The following TMEM41B variants were observed in gnomAD, a reference collection of about 807,000 sequenced individuals.
TMEM41B encodes the protein transmembrane protein 41B.
Under a neutral mutation model 31.9 loss-of-function variants are expected in TMEM41B, and 18 were observed. That is an observed-to-expected ratio of 0.56 (90% CI 0.39 to 0.84). TMEM41B has a LOEUF of 0.84. Among genes scored for constraint, TMEM41B ranks in the 40% least tolerant of loss-of-function variants. The pLI is 0.00. For missense variants in TMEM41B, 322 were observed against 348.0 expected, an observed-to-expected ratio of 0.93 and a Z score of 0.59; for synonymous variants, 144 against 124.3, an observed-to-expected ratio of 1.16 and a Z score of -1.05.
chr11:9,291,372 A>G (rs1852955197), intron 3 of TMEM41B, among the ~76,000 whole-genome samples: 1 of 150,758 alleles, frequency 6.6e-6, no homozygotes, highest in South Asian at 2.1e-4. Context: ...ACAGAGTGAG[A>G]CTCCCATCTC....
At chr11:9,304,159 C>T (rs1487059544) in intron 1 of TMEM41B, among the ~76,000 whole-genome samples, 1 of 152,114 alleles carries the variant, frequency 6.6e-6, no homozygotes, top group Non-Finnish European at 1.5e-5. Context: ...AACCCACAGA[C>T]GTATTGATAT....
chr11:9,305,386 G>C (rs972693570), intron 1 of TMEM41B, among the ~76,000 whole-genome samples: 3 of 152,186 alleles, frequency 2.0e-5, no homozygotes, highest in East Asian at 1.9e-4. Flanking sequence ...ATTGCCTGAG[G>C]TCAAGGGTTC....
intron 1 of TMEM41B, among the ~76,000 whole-genome samples, chr11:9,307,431 G>T (rs1278669439): frequency 6.7e-6 from 1 of 150,298 alleles, no homozygotes; most frequent in Non-Finnish European, 1.5e-5. Flanking sequence ...AACAGCTGAA[G>T]TATCATAAAA....
intron 4 of TMEM41B, chr11:9,288,139 AACACC>A (rs1852877619): frequency 5.0e-6 from 2 of 400,648 alleles, no homozygotes; most frequent in African/African-American, 4.2e-5. Context: ...TAAGCTTGAA[AACACC>A]ACCTCTGGCT....
chr11:9,303,734 C>G (rs1853314470), intron 1 of TMEM41B, among the ~76,000 whole-genome samples: 1 of 144,200 alleles, frequency 6.9e-6, no homozygotes, highest in African/African-American at 2.6e-5. Flanking sequence ...GTGACAGGAT[C>G]TCAGCTCACT....
At chr11:9,299,139 G>T (rs1853174981) in intron 2 of TMEM41B, among the ~76,000 whole-genome samples, 1 of 151,266 alleles carries the variant, frequency 6.6e-6, no homozygotes. Flanking sequence ...AAATTAGCTG[G>T]GTGTGGTGGC....
chr11:9,290,716 C>T (rs1231577659), intron 3 of TMEM41B, among the ~76,000 whole-genome samples: 4 of 152,036 alleles, frequency 2.6e-5, no homozygotes, highest in Admixed American at 6.5e-5. Flanking sequence ...TTTTTCCTTT[C>T]CCAAAATTTG....
At chr11:9,306,712 G>A (rs546492503) in intron 1 of TMEM41B, among the ~76,000 whole-genome samples, 55 of 152,114 alleles carry the variant, frequency 3.6e-4, no homozygotes, top group African/African-American at 1.1e-3. Context: ...CCAGAATCAC[G>A]CTCTTGGCCT....
chr11:9,311,665 G>T, intron 1 of TMEM41B: 1 of 830,404 alleles, frequency 1.2e-6, no homozygotes, highest in Non-Finnish European at 2.1e-6. Flanking sequence ...TTTGGCCCTG[G>T]CTGCCTGGCA....
intron 1 of TMEM41B, among the ~76,000 whole-genome samples, chr11:9,301,190 T>C (rs531389387): frequency 5.9e-5 from 9 of 151,946 alleles, no homozygotes; most frequent in African/African-American, 2.2e-4. Flanking sequence ...GGTCAGGAGA[T>C]TGAGACCATC....
intron 1 of TMEM41B, among the ~76,000 whole-genome samples, chr11:9,308,153 A>G (rs1482148998): frequency 6.6e-6 from 1 of 152,148 alleles, no homozygotes; most frequent in Non-Finnish European, 1.5e-5. Context: ...TCCAGACCAC[A>G]CTGGCCAACA....
chr11:9,299,454 C>G (rs1426850197), intron 2 of TMEM41B, 130 bp downstream of exon 2: 3 of 641,992 alleles, frequency 4.7e-6, no homozygotes, highest in Non-Finnish European at 8.2e-6. Context: ...CACTCCTGGA[C>G]TCAACCAATC....
chr11:9,287,837 G>A, intron 4 of TMEM41B, 31 bp from the exon 5 acceptor site: 1 of 1,510,614 alleles, frequency 6.6e-7, no homozygotes, highest in Non-Finnish European at 9.1e-7. Flanking sequence ...TAAGCGTTTT[G>A]TATTTTTCCG....
chr11:9,296,153 G>A lies in TMEM41B; in HGVS notation c.240-766C>T, dbSNP rs145701164. ...ATTACAGGAGTAAGCCACCATGCCC[G>A]GCTATAAATTATTTTTTAATGCTTT... On this transcript the variant is annotated intron_variant, in intron 2 of 6. Transcript: ENST00000528080. 3.0e-3 allele frequency among the ~76,000 whole-genome samples: 453 copies of A among 151,990 alleles called. 1 individual carries two copies. The highest frequency in any genetic ancestry group is 0.01 in the African/African-American group (435 of 41,486).
At chr11:9,302,290 G>A (rs1853283245) in intron 1 of TMEM41B, among the ~76,000 whole-genome samples, 1 of 100,242 alleles carries the variant, frequency 1.0e-5, no homozygotes, top group South Asian at 3.1e-4. Context: ...TTACAGGCGT[G>A]AGCCATAGCG....
At chr11:9,308,564 C>T (rs1368846321) in intron 1 of TMEM41B, among the ~76,000 whole-genome samples, 2 of 152,270 alleles carry the variant, frequency 1.3e-5, no homozygotes, top group South Asian at 2.1e-4. Context: ...TTATAGCCAC[C>T]TAACCAAAAA....
At chr11:9,313,284 G>A (rs1017857360) in intron 1 of TMEM41B, among the ~76,000 whole-genome samples, 1 of 70,986 alleles carries the variant, frequency 1.4e-5, no homozygotes, top group Non-Finnish European at 2.6e-5. Context: ...AAGGCTGACA[G>A]AGCCAAATTA....
chr11:9,310,512 T>TG (rs1853531604), intron 1 of TMEM41B, among the ~76,000 whole-genome samples: 1 of 152,264 alleles, frequency 6.6e-6, no homozygotes, highest in Admixed American at 6.5e-5. Flanking sequence ...ACAAGGGTCA[T>TG]GACTTATATA....
At chr11:9,299,345 C>CACACACACACACACACACACACA (rs201083248) in intron 2 of TMEM41B, among the ~76,000 whole-genome samples, 1 of 144,100 alleles carries the variant, frequency 6.9e-6, no homozygotes, top group Admixed American at 7.0e-5. Context: ...CACACACACA[C>CACACACACACACACACACACACA]GTGTGTGTAT....
Sources: gnomAD v4.1 joint callset for allele counts (sites outside exome capture counted in the v4.1 genomes callset) on GRCh38, gnomAD v4.1.1 for gene constraint, MANE v1.5 for transcripts, NCBI Gene and HGNC (gene_info 2026-07-23, HGNC 2026-07-21) for gene names.